Variants in ASIC2 observed in about 807,000 individuals in gnomAD.
ASIC2 encodes acid-sensing ion channel 2.
ASIC2 carries 25 observed loss-of-function variants against 57.3 expected under a neutral mutation model. The ratio of observed to expected loss-of-function variants is 0.44; its 90% CI spans 0.32 to 0.61. The LOEUF (loss-of-function observed/expected upper bound fraction) is 0.61. ASIC2 is among the 20% of genes least tolerant of loss of function. ASIC2 has a pLI of 0.06. For synonymous variants in ASIC2, 319 were observed against 307.5 expected, an observed-to-expected ratio of 1.04 and a Z score of -0.39; for missense variants, 641 against 738.1, an observed-to-expected ratio of 0.87 and a Z score of 1.52.
At chr17:33,995,373 C>G (rs1906124349) in intron 1 of ASIC2, among the ~76,000 whole-genome samples, 1 of 152,092 alleles carries the variant, frequency 6.6e-6, no homozygotes, top group Non-Finnish European at 1.5e-5. Flanking sequence ...AGGAGAGTCT[C>G]CCCTGTCCAT....
chr17:33,980,248 A>G (rs1486234225), intron 1 of ASIC2, among the ~76,000 whole-genome samples: 1 of 152,124 alleles, frequency 6.6e-6, no homozygotes, highest in African/African-American at 2.4e-5. Context: ...TATTTTCAGG[A>G]CTCAAGAGCC....
intron 1 of ASIC2, chr17:34,004,670 T>C (rs142710189): frequency 6.6e-5 from 10 of 152,302 alleles, no homozygotes; most frequent in South Asian, 6.2e-4. Flanking sequence ...GAACAATACC[T>C]ACCACATATA....
intron 1 of ASIC2, among the ~76,000 whole-genome samples, chr17:33,185,815 C>T (rs74629906): frequency 0.064 from 9,731 of 152,230 alleles, 460 homozygotes; most frequent in East Asian, 0.2. Context: ...ACCATGTGTT[C>T]TATCAGCCAG....
rs114846717 is a variant in ASIC2, at chr17:33,430,313, G to A, written c.556-318246C>T. Reference sequence around the variant, plus strand: ...GAGTTGGAAGGAGGAGGGCTGGGAAGGTAGAAACCCAAATGCTCGATGGGA... The same window carrying A: ...GAGTTGGAAGGAGGAGGGCTGGGAAAGTAGAAACCCAAATGCTCGATGGGA... On this transcript the variant is annotated intron_variant, in intron 1 of 9. Transcript: ENST00000359872. 1.8e-3 allele frequency among the ~76,000 whole-genome samples: 267 copies of A among 152,236 alleles called. 1 individual carries two copies. Among genetic ancestry groups the A allele is most frequent in the African/African-American group, 5.9e-3 (244 of 41,538 alleles).
chr17:33,350,082 C>T (rs770060869), intron 1 of ASIC2, among the ~76,000 whole-genome samples: 3 of 152,206 alleles, frequency 2.0e-5, no homozygotes, highest in Admixed American at 6.5e-5. Context: ...CATGTCTTAT[C>T]GGTTCTTCAC....
chr17:33,064,091 TG>T (rs2092032002), intron 3 of ASIC2, among the ~76,000 whole-genome samples: 1 of 152,228 alleles, frequency 6.6e-6, no homozygotes, highest in African/African-American at 2.4e-5. Flanking sequence ...TTAACTTCTT[TG>T]CGATGGGTTC....
At chr17:33,610,051 G>GTCAC (rs1567668354) in intron 1 of ASIC2, among the ~76,000 whole-genome samples, 1 of 110,700 alleles carries the variant, frequency 9.0e-6, no homozygotes, top group African/African-American at 3.1e-5. Flanking sequence ...CCTGGACAGA[G>GTCAC]GCGCACACAC....
chr17:33,579,623 T>C (rs1366613085), intron 1 of ASIC2, among the ~76,000 whole-genome samples: 1 of 152,192 alleles, frequency 6.6e-6, no homozygotes, highest in Non-Finnish European at 1.5e-5. Flanking sequence ...CCTTCAGGTG[T>C]TCAGCTGCGT....
intron 1 of ASIC2, among the ~76,000 whole-genome samples, chr17:33,956,407 C>T (rs1904736499): frequency 6.6e-6 from 1 of 152,068 alleles, no homozygotes; most frequent in Admixed American, 6.5e-5. Flanking sequence ...GTCGGGTAGC[C>T]CTGGCTGCCC....
chr17:34,032,933 C>A (rs532436944), intron 1 of ASIC2, among the ~76,000 whole-genome samples: 9 of 152,308 alleles, frequency 5.9e-5, no homozygotes, highest in African/African-American at 1.7e-4. Flanking sequence ...TAACACCCCA[C>A]TGTCAACATT....
chr17:33,086,746 C>T (rs1366466584), intron 3 of ASIC2, among the ~76,000 whole-genome samples: 2 of 152,148 alleles, frequency 1.3e-5, no homozygotes, highest in African/African-American at 4.8e-5. Flanking sequence ...AGAATTTACT[C>T]TTTGCTCCAG....
chr17:33,400,000 G>A (rs1480104490), intron 1 of ASIC2, among the ~76,000 whole-genome samples: 1 of 152,198 alleles, frequency 6.6e-6, no homozygotes, highest in East Asian at 1.9e-4. Context: ...GCAGACCTGG[G>A]TTACCATAGA....
chr17:33,741,873 C>T (rs970045150), intron 1 of ASIC2, among the ~76,000 whole-genome samples: 16 of 152,270 alleles, frequency 1.1e-4, no homozygotes, highest in Admixed American at 7.2e-4. Flanking sequence ...AGGATGTCTG[C>T]GGCAGATCCT....
intron 1 of ASIC2, among the ~76,000 whole-genome samples, chr17:33,498,711 C>T (rs1914014434): frequency 6.6e-6 from 1 of 152,128 alleles, no homozygotes; most frequent in African/African-American, 2.4e-5. Context: ...GCTCACAGGC[C>T]GTGGAAGTTC....
rs1913020696 is a variant in ASIC2, at chr17:33,828,749, T to G, written c.555+327229A>C. Among the ~76,000 whole-genome samples, 5 of 152,228 alleles carry G rather than the reference T, an allele frequency of 3.3e-5. 2 individuals carry two copies. Among genetic ancestry groups the G allele is most frequent in the Admixed American group, 3.3e-4 (5 of 15,278 alleles). On this transcript the variant is annotated intron_variant, in intron 1 of 9. Transcript: ENST00000359872. ...ATTTAGTTCCACTTTGGTGTTTCAT[T>G]GCCCACGCCCATAATGTAGGTGAAC...
intron 1 of ASIC2, chr17:34,037,423 T>G (rs1907932278): frequency 5.5e-6 from 3 of 541,570 alleles, no homozygotes; most frequent in Non-Finnish European, 6.4e-6. Context: ...CTACAAGGCC[T>G]GGCCGGAGCT....
chr17:33,749,136 G>A (rs1218237855), intron 1 of ASIC2, among the ~76,000 whole-genome samples: 1 of 152,058 alleles, frequency 6.6e-6, no homozygotes, highest in Non-Finnish European at 1.5e-5. Context: ...ACCGGGTTGG[G>A]GTGCAAGAGC....
At chr17:33,361,230 G>A in intron 1 of ASIC2, among the ~76,000 whole-genome samples, 1 of 152,194 alleles carries the variant, frequency 6.6e-6, no homozygotes, top group East Asian at 1.9e-4. Context: ...TGACATTATG[G>A]GAACTGGGCT....
chr17:33,341,377 G>T (rs1907714965), intron 1 of ASIC2, among the ~76,000 whole-genome samples: 1 of 152,190 alleles, frequency 6.6e-6, no homozygotes, highest in African/African-American at 2.4e-5. Context: ...AAGCCACTTT[G>T]GAGAGTGAAA....
Sources: gnomAD v4.1 joint callset for allele counts (sites outside exome capture counted in the v4.1 genomes callset) on GRCh38, gnomAD v4.1.1 for gene constraint, MANE v1.5 for transcripts, NCBI Gene and HGNC (gene_info 2026-07-23, HGNC 2026-07-21) for gene names.